The following RBFOX1 variants were observed in gnomAD, a reference collection of about 807,000 sequenced individuals.
RBFOX1 encodes RNA binding protein fox-1 homolog 1.
Under a neutral mutation model 57.7 loss-of-function variants are expected in RBFOX1, and 8 were observed. That is an observed-to-expected ratio of 0.14 (90% CI 0.08 to 0.25). RBFOX1 has a LOEUF of 0.25. Among genes scored for constraint, RBFOX1 ranks in the 10% least tolerant of loss-of-function variants. The pLI, the probability that RBFOX1 is intolerant of heterozygous loss-of-function variation, is 1.00. For missense variants in RBFOX1, 611 were observed against 548.5 expected, an observed-to-expected ratio of 1.11 and a Z score of -1.14; for synonymous variants, 326 against 222.4, an observed-to-expected ratio of 1.47 and a Z score of -4.15.
chr16:6,318,155 G>GTGTGTTA (rs2081334128), intron 2 of RBFOX1, among the ~76,000 whole-genome samples: 1 of 152,058 alleles, frequency 6.6e-6, no homozygotes, highest in Non-Finnish European at 1.5e-5. Flanking sequence ...TAAAAAGATG[G>GTGTGTTA]TGTATTAGCT....
chr16:6,285,504 C>T (rs1328624971), intron 1 of RBFOX1, among the ~76,000 whole-genome samples: 4 of 152,148 alleles, frequency 2.6e-5, no homozygotes, highest in Admixed American at 1.3e-4. Flanking sequence ...CCTAAAACAC[C>T]TCTTGGGTGT....
intron 4 of RBFOX1, among the ~76,000 whole-genome samples, chr16:6,008,224 A>G (rs1413828195): frequency 8.0e-6 from 1 of 125,786 alleles, no homozygotes; most frequent in Non-Finnish European, 1.6e-5. Flanking sequence ...CCCCCCAAAA[A>G]AAGGTAGTGT....
chr16:5,259,786 T>C (rs1384493983), intron 1 of RBFOX1, among the ~76,000 whole-genome samples: 4 of 152,190 alleles, frequency 2.6e-5, no homozygotes, highest in Admixed American at 6.5e-5. Context: ...CAAAAGCGTT[T>C]TGTGGGAAAT....
intron 4 of RBFOX1, among the ~76,000 whole-genome samples, chr16:7,217,010 TCCC>T (rs2092171708): frequency 2.0e-3 from 13 of 6,452 alleles, no homozygotes; most frequent in African/African-American, 7.9e-3. Context: ...CTCCCTCCCT[TCCC>T]TCCCTCCCTC....
chr16:6,474,386 A>C (rs1567357865), intron 2 of RBFOX1, among the ~76,000 whole-genome samples: 1 of 152,202 alleles, frequency 6.6e-6, no homozygotes, highest in Non-Finnish European at 1.5e-5. Context: ...CAGTCGCCCA[A>C]ACGGGAGCCA....
intron 5 of RBFOX1, among the ~76,000 whole-genome samples, chr16:7,546,788 C>A (rs142213849): frequency 0.013 from 1,967 of 152,244 alleles, 16 homozygotes; most frequent in Non-Finnish European, 0.02. Flanking sequence ...TAGCCAATCC[C>A]TTGTAGTTGG....
intron 3 of RBFOX1, among the ~76,000 whole-genome samples, chr16:6,657,480 C>T (rs767304635): frequency 1.2e-4 from 18 of 152,000 alleles, no homozygotes; most frequent in Non-Finnish European, 2.1e-4. Flanking sequence ...TGGTGTGAGG[C>T]CACACAGGGA....
intron 2 of RBFOX1, among the ~76,000 whole-genome samples, chr16:6,579,937 T>C (rs1281468019): frequency 2.0e-5 from 3 of 152,054 alleles, no homozygotes; most frequent in Admixed American, 2.0e-4. Flanking sequence ...TTCATGGACC[T>C]GTTCATCTTT....
intron 4 of RBFOX1, chr16:7,422,751 C>T (rs997847776): frequency 6.6e-6 from 1 of 152,060 alleles, no homozygotes; most frequent in African/African-American, 2.4e-5. Context: ...TGTGTAGCGC[C>T]GAGTTTCTCT....
At chr16:5,582,188 A>C (rs538828049) in intron 2 of RBFOX1, among the ~76,000 whole-genome samples, 1 of 152,304 alleles carries the variant, frequency 6.6e-6, no homozygotes, top group African/African-American at 2.4e-5. Flanking sequence ...CCTCACTCCC[A>C]TGAGGTTGCA....
rs188853518 is a variant in RBFOX1, at chr16:7,217,295, T to C, written c.27+165197T>C. On this transcript the variant is annotated intron_variant, in intron 4 of 15. Transcript: ENST00000550418. ...TATCTTTTTTTTTCTTATTCTTCTT[T>C]TTTTTTTTTTTTTTTAGTAGAGATG... is the stretch of plus-strand genomic sequence containing the variant. 3.2e-3 allele frequency among the ~76,000 whole-genome samples: 425 copies of C among 134,532 alleles called. 19 individuals are homozygous for C. The highest frequency in any genetic ancestry group is 0.012 in the African/African-American group (401 of 33,126). 88.3% of individuals were successfully genotyped at this position (134,532 alleles called of 152,430 possible).
At chr16:7,343,712 G>C (rs1175376280) in intron 4 of RBFOX1, among the ~76,000 whole-genome samples, 3 of 152,150 alleles carry the variant, frequency 2.0e-5, no homozygotes, top group Non-Finnish European at 4.4e-5. Flanking sequence ...AGGTGGTATG[G>C]AGTAGGGTGT....
intron 3 of RBFOX1, among the ~76,000 whole-genome samples, chr16:5,741,293 C>A (rs1473273752): frequency 6.6e-6 from 1 of 152,132 alleles, no homozygotes; most frequent in Non-Finnish European, 1.5e-5. Flanking sequence ...GGCCGCAAGC[C>A]CATCAATCCT....
intron 4 of RBFOX1, among the ~76,000 whole-genome samples, chr16:7,088,146 T>C (rs2060267867): frequency 6.6e-6 from 1 of 152,030 alleles, no homozygotes; most frequent in South Asian, 2.1e-4. Flanking sequence ...GTGTATGGGG[T>C]TTGGGGGGAT....
At chr16:7,220,405 A>G (rs2092634387) in intron 4 of RBFOX1, among the ~76,000 whole-genome samples, 1 of 152,208 alleles carries the variant, frequency 6.6e-6, no homozygotes, top group African/African-American at 2.4e-5. Context: ...AAGAAGGTGC[A>G]ATGCATTACA....
At chr16:6,098,956 C>T (rs2096275450) in intron 1 of RBFOX1, among the ~76,000 whole-genome samples, 1 of 152,144 alleles carries the variant, frequency 6.6e-6, no homozygotes, top group Admixed American at 6.5e-5. Context: ...CGTAAGCCAC[C>T]TTCTGTAGTT....
chr16:6,443,766 C>T (rs950581914), intron 2 of RBFOX1, among the ~76,000 whole-genome samples: 1 of 152,134 alleles, frequency 6.6e-6, no homozygotes, highest in African/African-American at 2.4e-5. Context: ...TACCCATCTA[C>T]CCATCTACCC....
Position 7,339,232 on chromosome 16 carries a change from T to G in RBFOX1, c.28-178915T>G, listed in dbSNP as rs552772571. Among the ~76,000 whole-genome samples, 4 of 152,310 alleles carry G rather than the reference T, an allele frequency of 2.6e-5. No individual in the cohort carries two copies. In the East Asian group the frequency reaches 7.7e-4, roughly 29 times the overall value. On this transcript the variant is annotated intron_variant, in intron 4 of 15. Transcript: ENST00000550418. ...GCAAAGTCACTGTGAGTTTTCAGTG[T>G]GATTCATCATGTGTTTATTCAGCAA...
At chr16:6,967,190 A>G (rs1180437103) in intron 3 of RBFOX1, among the ~76,000 whole-genome samples, 1 of 151,978 alleles carries the variant, frequency 6.6e-6, no homozygotes, top group Non-Finnish European at 1.5e-5. Flanking sequence ...TCCATTTTCT[A>G]TCTATACATT....
Sources: allele counts gnomAD v4.1 joint callset (sites outside exome capture counted in the v4.1 genomes callset), GRCh38; gene constraint gnomAD v4.1.1; transcripts MANE v1.5; gene names NCBI Gene and HGNC (gene_info 2026-07-23, HGNC 2026-07-21).